Variants in DCT observed in about 807,000 individuals in gnomAD.
DCT encodes L-dopachrome tautomerase.
DCT carries 47 observed loss-of-function variants against 53.0 expected under a neutral mutation model. The ratio of observed to expected loss-of-function variants is 0.89; its 90% CI spans 0.70 to 1.13. The LOEUF (loss-of-function observed/expected upper bound fraction) is 1.13, where lower values mean the gene tolerates loss of function less well. Among genes scored for constraint, DCT ranks in the 50% most tolerant of loss-of-function variants. DCT has a pLI of 0.00. For missense variants in DCT, 669 were observed against 637.4 expected, an observed-to-expected ratio of 1.05 and a Z score of -0.53; for synonymous variants, 244 against 237.0, an observed-to-expected ratio of 1.03 and a Z score of -0.27.
chr13:94,476,813 G>A (rs1009411215), intron 1 of DCT, among the ~76,000 whole-genome samples: 18 of 152,154 alleles, frequency 1.2e-4, no homozygotes, highest in African/African-American at 3.9e-4. Context: ...GAAGTATTTT[G>A]GGGTTTTGAA....
Position 94,439,600 on chromosome 13 carries a change from G to A in DCT, c.*298C>T, listed in dbSNP as rs1371889244. Reference sequence around the variant, plus strand: ...TTTTGTTTTTTTTTAAATGCTTTCAGAAAAGGAGGAGGCTTAATCAATATT... The same window carrying A: ...TTTTGTTTTTTTTTAAATGCTTTCAAAAAAGGAGGAGGCTTAATCAATATT... On this transcript the variant is annotated 3_prime_UTR_variant, in exon 8 of 8. Transcript: ENST00000377028. 1 of 181,452 alleles carries A rather than the reference G, an allele frequency of 5.5e-6. No homozygotes were observed. Among genetic ancestry groups the A allele is most frequent in the Non-Finnish European group, 1.1e-5 (1 of 90,044 alleles). 11.2% of individuals were successfully genotyped at this position (181,452 alleles called of 1,614,324 possible).
Position 94,479,181 on chromosome 13 carries a change from G to A in DCT, c.75C>T (p.Phe25=), listed in dbSNP as rs1312482081. The A allele has an allele frequency of 1.2e-5, 19 of 1,612,036 alleles. No individual in the cohort carries two copies. The highest frequency in any genetic ancestry group is 1.4e-5 in the Non-Finnish European group (17 of 1,178,252). ...CKILPGAQGQ[F]PRVCMTVDSL... ...TGTCCACCGTCATGCAGACTCGGGG[G>A]AACTGACCCTGGGCTCCTGGCAGGA... Residue 25 remains phenylalanine (F), a synonymous_variant, in exon 1 of 8, where the codon TTC becomes TTT. Coordinates refer to ENST00000377028, the MANE Select transcript of DCT (RefSeq NM_001922.5).
chr13:94,475,346 C>A (rs1425834428), intron 1 of DCT, among the ~76,000 whole-genome samples: 2 of 152,108 alleles, frequency 1.3e-5, no homozygotes, highest in Non-Finnish European at 2.9e-5. Flanking sequence ...TATTATTCAG[C>A]CTTTAAAAAG....
the DCT span, among the ~76,000 whole-genome samples, chr13:94,510,857 C>A: frequency 6.6e-6 from 1 of 152,220 alleles, no homozygotes; most frequent in Admixed American, 6.5e-5. Context: ...GGAGCATCAA[C>A]ATCTACTTGT....
the DCT span, among the ~76,000 whole-genome samples, chr13:94,507,231 C>T: frequency 1.3e-5 from 2 of 152,158 alleles, no homozygotes; most frequent in African/African-American, 4.8e-5. Flanking sequence ...GATAATTATA[C>T]TAGGGTTATG....
chr13:94,461,961 T>C (rs771162877), intron 5 of DCT, 49 bp downstream of exon 5: 1 of 1,520,144 alleles, frequency 6.6e-7, no homozygotes, highest in Non-Finnish European at 9.0e-7. Flanking sequence ...ATCACAGGCA[T>C]GAAAACCTGT....
chr13:94,522,562 C>T, the DCT span, among the ~76,000 whole-genome samples: 1 of 152,200 alleles, frequency 6.6e-6, no homozygotes, highest in African/African-American at 2.4e-5. Flanking sequence ...GGATGTAGTA[C>T]ATTTTGCTTA....
the DCT span, among the ~76,000 whole-genome samples, chr13:94,495,159 C>T: frequency 2.6e-5 from 4 of 151,938 alleles, no homozygotes; most frequent in Non-Finnish European, 5.9e-5. Flanking sequence ...TGCAGTGGTG[C>T]AATCTTGGCT....
In DCT at chr13:94,439,695, A is replaced by C. The variant is rs1882137020; in HGVS notation, c.*203T>G. 2.5e-6 allele frequency: 1 copy of C among 407,174 alleles called. No individual in the cohort carries two copies. The highest frequency in any genetic ancestry group is 4.3e-6 in the Non-Finnish European group (1 of 230,604). The allele number at this position is 407,174 out of a possible 1,614,324, so 25.2% of individuals were successfully genotyped here. ...TTTATTTGAAGGTAGAGGTAGCCTC[A>C]AGCACTTTAGTTGGGTTTGTTAAAC... On this transcript the variant is annotated 3_prime_UTR_variant, in exon 8 of 8. Coordinates refer to ENST00000377028, the MANE Select transcript of DCT (RefSeq NM_001922.5).
chr13:94,486,607 C>A, the DCT span, among the ~76,000 whole-genome samples: 1 of 152,102 alleles, frequency 6.6e-6, no homozygotes, highest in Non-Finnish European at 1.5e-5. Context: ...TTATGGGGAT[C>A]CAGGGAGAGA....
the DCT span, among the ~76,000 whole-genome samples, chr13:94,492,841 C>T: frequency 6.6e-6 from 1 of 152,078 alleles, no homozygotes; most frequent in Non-Finnish European, 1.5e-5. Flanking sequence ...CCTTCAATAG[C>T]TTTTTAAAAC....
chr13:94,512,755 C>T, the DCT span, among the ~76,000 whole-genome samples: 392 of 152,268 alleles, frequency 2.6e-3, no homozygotes, highest in Non-Finnish European at 4.1e-3. Flanking sequence ...CACACACACA[C>T]ACCCCATGTG....
intron 5 of DCT, 98 bp downstream of exon 5, chr13:94,461,912 A>C: frequency 2.9e-6 from 3 of 1,046,568 alleles, no homozygotes. Context: ...AGCTTCGTAG[A>C]CAACCCCCAA....
chr13:94,503,336 C>T, the DCT span, among the ~76,000 whole-genome samples: 6 of 150,306 alleles, frequency 4.0e-5, no homozygotes, highest in East Asian at 2.0e-4. Context: ...GCCAAGATCA[C>T]GCCACTGCAC....
At chr13:94,464,182 G>A (rs1314947941) in intron 4 of DCT, among the ~76,000 whole-genome samples, 1 of 152,204 alleles carries the variant, frequency 6.6e-6, no homozygotes, top group Admixed American at 6.5e-5. Flanking sequence ...TACAGGATGT[G>A]GAAGACGAAG....
intron 6 of DCT, among the ~76,000 whole-genome samples, chr13:94,449,138 G>A (rs1031150112): frequency 2.0e-5 from 3 of 150,988 alleles, no homozygotes; most frequent in Non-Finnish European, 2.9e-5. Flanking sequence ...AAAAAAAAAT[G>A]TGATTACATG....
the DCT span, among the ~76,000 whole-genome samples, chr13:94,514,013 A>G: frequency 1.3e-4 from 19 of 148,566 alleles, no homozygotes; most frequent in East Asian, 2.6e-3. Context: ...AAAAAAAAAG[A>G]TAGATACCTA....
chr13:94,471,413 C>T (rs4773796), intron 1 of DCT, among the ~76,000 whole-genome samples: 21,629 of 152,090 alleles, frequency 0.14, 1,903 homozygotes, highest in Non-Finnish European at 0.2. Context: ...AAAAATTCTA[C>T]TCTTCCCAAG....
the DCT span, among the ~76,000 whole-genome samples, chr13:94,489,761 T>TAC: frequency 0.053 from 7,944 of 150,412 alleles, 590 homozygotes; most frequent in African/African-American, 0.17. Context: ...GAATGATTAA[T>TAC]ACACACACAC....
Sources: gnomAD v4.1 joint callset for allele counts (sites outside exome capture counted in the v4.1 genomes callset) on GRCh38, gnomAD v4.1.1 for gene constraint, MANE v1.5 for transcripts, NCBI Gene and HGNC (gene_info 2026-07-23, HGNC 2026-07-21) for gene names.